GALNT16: variants seen among roughly 807,000 people sequenced by gnomAD.
GALNT16 encodes UDP-GalNAc:polypeptide N-acetylgalactosaminyltransferase-like protein 1.
A neutral mutation model predicts 76.1 loss-of-function variants in GALNT16; 40 were observed. The ratio of observed to expected loss-of-function variants is 0.53; its 90% CI spans 0.41 to 0.68. The LOEUF (loss-of-function observed/expected upper bound fraction) is 0.68, where lower values mean the gene tolerates loss of function less well. Among genes scored for constraint, GALNT16 ranks in the 30% least tolerant of loss-of-function variants. The pLI, the probability that GALNT16 is intolerant of heterozygous loss-of-function variation, is 0.00. For missense variants in GALNT16, 621 were observed against 731.9 expected (o/e 0.85, Z 1.75); for synonymous variants, 276 against 285.2 (o/e 0.97, Z 0.32).
chr14:69,277,904 A>G (rs2044494383), intron 1 of GALNT16, among the ~76,000 whole-genome samples: 1 of 152,180 alleles, frequency 6.6e-6, no homozygotes, highest in Non-Finnish European at 1.5e-5. Flanking sequence ...TGACTTTTTA[A>G]TGATCGCCAT....
chr14:69,290,637 G>A (rs1446643518), intron 1 of GALNT16, among the ~76,000 whole-genome samples: 1 of 152,246 alleles, frequency 6.6e-6, no homozygotes, highest in Non-Finnish European at 1.5e-5. Flanking sequence ...CGTTAAGAAT[G>A]TGACTCTTGA....
chr14:69,377,685 C>T, the GALNT16 span, among the ~76,000 whole-genome samples: 2 of 151,418 alleles, frequency 1.3e-5, no homozygotes, highest in African/African-American at 2.4e-5. Context: ...GTGGTGTGCA[C>T]CTGTAATCCC....
At chr14:69,360,220 G>C (rs1010121897), downstream of GALNT16, among the ~76,000 whole-genome samples, 9 of 151,928 alleles carry the variant, frequency 5.9e-5, no homozygotes, top group African/African-American at 1.7e-4. Flanking sequence ...AGGTGTGGTG[G>C]TGCATGCCTG....
chr14:69,367,142 G>A, the GALNT16 span, among the ~76,000 whole-genome samples: 2 of 152,072 alleles, frequency 1.3e-5, no homozygotes, highest in East Asian at 1.9e-4. Context: ...ACAGGGAGGC[G>A]GATTTTTGGG....
chr14:69,322,926 GT>G (rs368978635), intron 2 of GALNT16, among the ~76,000 whole-genome samples: 8,561 of 27,510 alleles, frequency 0.31, 483 homozygotes, highest in Admixed American at 0.42. Context: ...GGCTCACGGG[GT>G]GTGTGTGTGT....
chr14:69,335,243 C>A (rs2045401934), intron 9 of GALNT16, among the ~76,000 whole-genome samples: 1 of 152,198 alleles, frequency 6.6e-6, no homozygotes, highest in South Asian at 2.1e-4. Flanking sequence ...CTGATCCCGA[C>A]TCAAAACCAG....
At chr14:69,360,083 C>T (rs936659739), downstream of GALNT16, among the ~76,000 whole-genome samples, 2 of 151,222 alleles carry the variant, frequency 1.3e-5, no homozygotes, top group African/African-American at 4.9e-5. Flanking sequence ...CCAGGCACAG[C>T]GATTCCTGCC....
chr14:69,274,719 A>C (rs1224314169), intron 1 of GALNT16, among the ~76,000 whole-genome samples: 1 of 152,190 alleles, frequency 6.6e-6, no homozygotes, highest in Non-Finnish European at 1.5e-5. Context: ...AAGAGTAGTA[A>C]GATTTTGAGA....
intron 1 of GALNT16, among the ~76,000 whole-genome samples, chr14:69,303,419 C>T (rs778357561): frequency 8.5e-5 from 13 of 152,124 alleles, no homozygotes; most frequent in Non-Finnish European, 1.8e-4. Flanking sequence ...GGAAAGTCAG[C>T]TCCAATCATG....
chr14:69,282,897 C>G (rs1447988792), intron 1 of GALNT16, among the ~76,000 whole-genome samples: 1 of 152,064 alleles, frequency 6.6e-6, no homozygotes, highest in Non-Finnish European at 1.5e-5. Flanking sequence ...AACTCCTGAC[C>G]TCAAGTGATT....
intron 1 of GALNT16, among the ~76,000 whole-genome samples, chr14:69,309,850 T>C (rs1416844459): frequency 6.6e-6 from 1 of 152,246 alleles, no homozygotes; most frequent in Admixed American, 6.5e-5. Flanking sequence ...ATATGGGCTT[T>C]ATGGCCAAGA....
intron 12 of GALNT16, among the ~76,000 whole-genome samples, chr14:69,345,373 A>G (rs1241656635): frequency 1.3e-5 from 2 of 152,098 alleles, no homozygotes; most frequent in African/African-American, 4.8e-5. Flanking sequence ...GGTCTCTCTG[A>G]GCCTCCTGTG....
chr14:69,339,479 C>T (rs1256833839), intron 10 of GALNT16, 48 bp from the exon 11 acceptor site: 2 of 1,093,346 alleles, frequency 1.8e-6, no homozygotes, highest in Admixed American at 1.7e-5. Context: ...GACCGCTAAC[C>T]CTGTTGCTTC....
intron 1 of GALNT16, among the ~76,000 whole-genome samples, chr14:69,281,145 C>T (rs2044535930): frequency 6.6e-6 from 1 of 152,136 alleles, no homozygotes; most frequent in Admixed American, 6.5e-5. Context: ...TTGACCTCCA[C>T]AGTGCCTGGT....
intron 1 of GALNT16, among the ~76,000 whole-genome samples, chr14:69,308,154 A>T (rs2044965770): frequency 6.6e-6 from 1 of 152,142 alleles, no homozygotes; most frequent in South Asian, 2.1e-4. Flanking sequence ...ACTTTTCATC[A>T]ATGTATTTAT....
intron 6 of GALNT16, among the ~76,000 whole-genome samples, chr14:69,330,098 G>A (rs920032999): frequency 8.6e-5 from 13 of 152,046 alleles, no homozygotes; most frequent in East Asian, 1.9e-4. Flanking sequence ...GTGTAGACCC[G>A]AGAGAAATGA....
At chr14:69,262,912 C>T (rs968099031) in intron 1 of GALNT16, among the ~76,000 whole-genome samples, 2 of 149,298 alleles carry the variant, frequency 1.3e-5, no homozygotes, top group South Asian at 2.1e-4. Flanking sequence ...TGGAGTCTCA[C>T]TCTGTCACCC....
At chr14:69,296,825 A>AGC (rs1188477291) in intron 1 of GALNT16, among the ~76,000 whole-genome samples, 7 of 151,104 alleles carry the variant, frequency 4.6e-5, no homozygotes, top group Non-Finnish European at 1.0e-4. Context: ...AGATAGATAG[A>AGC]TAGATAGATA....
chr14:69,282,419 C>T (rs548745577), intron 1 of GALNT16, among the ~76,000 whole-genome samples: 1 of 152,310 alleles, frequency 6.6e-6, no homozygotes, highest in South Asian at 2.1e-4. Flanking sequence ...GCCTAGAACA[C>T]CCCTAGCTCC....
Sources: gnomAD v4.1 joint callset for allele counts (sites outside exome capture counted in the v4.1 genomes callset) on GRCh38, gnomAD v4.1.1 for gene constraint, MANE v1.5 for transcripts, NCBI Gene and HGNC (gene_info 2026-07-23, HGNC 2026-07-21) for gene names.